Variants in PRAG1 observed in about 807,000 individuals in gnomAD.
PRAG1 encodes the protein PEAK1 related, kinase-activating pseudokinase 1, also known as inactive tyrosine-protein kinase PRAG1.
In PRAG1, 110 loss-of-function variants were observed where a neutral mutation model predicts 95.6. That is an observed-to-expected ratio of 1.15 (90% confidence interval 0.99 to 1.35). The LOEUF (loss-of-function observed/expected upper bound fraction) is 1.35, where lower values mean the gene tolerates loss of function less well. Among genes scored for constraint, PRAG1 ranks in the 40% most tolerant of loss-of-function variants. The probability of loss-of-function intolerance (pLI) is 0.00; values close to 1 mark genes in which losing one functional copy is unlikely to be tolerated. For synonymous variants in PRAG1, 1,052 were observed against 819.4 expected (o/e 1.28, Z -4.85); for missense variants, 2,554 against 1,864.7 (o/e 1.37, Z -6.81).
intron 3 of PRAG1, among the ~76,000 whole-genome samples, chr8:8,347,259 G>A (rs1356201983): frequency 2.0e-5 from 3 of 152,182 alleles, no homozygotes; most frequent in African/African-American, 7.2e-5. Flanking sequence ...CAGCCCTTGG[G>A]TGTGAAGAGC....
rs528263106 is a variant in PRAG1 at position 8,318,265 on chromosome 8, C to T, written c.4110G>A (p.Ala1370=). 2.7e-5 allele frequency: 44 copies of T among 1,614,186 alleles called. No homozygotes were observed. The East Asian group carries it at 5.3e-4, about 20-fold the overall frequency. ...GCTCCACGCCCCGCCTGCGATCCACCGCCTTCTCCGCAAACTTCATCATCA... is the reference window on the plus strand; with the variant it reads ...GCTCCACGCCCCGCCTGCGATCCACTGCCTTCTCCGCAAACTTCATCATCA... ...ALMMMKFAEK[A]VDRRRGVELE... The change falls in exon 6 of 6, where the codon GCG becomes GCA. Residue 1370 remains alanine, a synonymous_variant. Transcript: ENST00000615670. This position sits in a 1 kb window ranked among gnomAD's most constrained non-coding sequence, Gnocchi z 4.2.
At chr8:8,350,490 GAACT>G (rs1799486597) in intron 3 of PRAG1, among the ~76,000 whole-genome samples, 1 of 152,206 alleles carries the variant, frequency 6.6e-6, no homozygotes, top group Admixed American at 6.5e-5. Context: ...GAAAAAGTGG[GAACT>G]AACAAGAGAG....
chr8:8,354,714 G>A (rs1459641424), intron 3 of PRAG1, among the ~76,000 whole-genome samples: 1 of 152,056 alleles, frequency 6.6e-6, no homozygotes, highest in Admixed American at 6.5e-5. Context: ...CATTTGACAA[G>A]GTACAGCATC....
chr8:8,323,782 C>A (rs1342719782), intron 5 of PRAG1, among the ~76,000 whole-genome samples: 2 of 152,180 alleles, frequency 1.3e-5, no homozygotes, highest in Non-Finnish European at 2.9e-5. Context: ...TACCCAGTCT[C>A]AGGTATGTCT....
At chr8:8,359,949 C>T (rs995782498) in intron 3 of PRAG1, among the ~76,000 whole-genome samples, 3 of 152,154 alleles carry the variant, frequency 2.0e-5, no homozygotes, top group Non-Finnish European at 4.4e-5. Context: ...TCCATATTTT[C>T]TAAAATTTTT....
rs576541579 is a variant in PRAG1 at position 8,337,072 on chromosome 8, A to G, written c.2320+2406T>C. Among the ~76,000 whole-genome samples the G allele has an allele frequency of 3.9e-5, 6 of 152,334 alleles. No individual in the cohort carries two copies. In the East Asian group the frequency reaches 1.2e-3, roughly 29 times the overall value. On this transcript the variant is annotated intron_variant, in intron 4 of 5. Coordinates refer to ENST00000615670, the MANE Select transcript of PRAG1 (RefSeq NM_001080826.3). ...CCTATACTGTGGATGGAAAAAGTCAATGAAACGCATAGTTTTCACTAGCAG... is the reference window on the plus strand; with the variant it reads ...CCTATACTGTGGATGGAAAAAGTCAGTGAAACGCATAGTTTTCACTAGCAG...
intron 3 of PRAG1, among the ~76,000 whole-genome samples, chr8:8,356,441 G>A (rs987514196): frequency 6.6e-6 from 1 of 152,188 alleles, no homozygotes; most frequent in Non-Finnish European, 1.5e-5. Flanking sequence ...GACCTCTTGG[G>A]TTCAAGTGAT....
At position 8,374,721 on chromosome 8, in the gene PRAG1, C is replaced by A. The variant is rs1440846905; in HGVS notation, c.2162+1526G>T. 7 of 985,212 alleles carry A rather than the reference C, an allele frequency of 7.1e-6. No homozygotes were observed. In the African/African-American group the frequency reaches 1.2e-4, roughly 17 times the overall value. 61.0% of individuals were successfully genotyped at this position (985,212 alleles called of 1,614,324 possible). A position where few individuals can be genotyped will look rare whatever the true frequency, so the allele number is the denominator to read the frequency against. ...AAAGAGTCTGCAATCACCTCAGGATCTGGAAGATGTCTGTTCTCCATGGTG... is the reference window on the plus strand; with the variant it reads ...AAAGAGTCTGCAATCACCTCAGGATATGGAAGATGTCTGTTCTCCATGGTG... On this transcript the variant is annotated intron_variant, in intron 3 of 5. Coordinates refer to ENST00000615670, the MANE Select transcript of PRAG1 (RefSeq NM_001080826.3).
chr8:8,377,410 C>A lies in PRAG1; in HGVS notation c.999G>T (p.Glu333Asp). ...LGPKKLSLTS[E>D]AAISSDGLSC... ...AGAGGCCGTCGGAAGAAATGGCAGCCTCCGAGGTGAGGGACAGTTTCTTGG... is the reference window on the plus strand; with the variant it reads ...AGAGGCCGTCGGAAGAAATGGCAGCATCCGAGGTGAGGGACAGTTTCTTGG... Residue 333 changes from glutamate (E) to aspartate (D), a missense_variant, in exon 3 of 6, where the codon GAG becomes GAT. Coordinates refer to ENST00000615670, the MANE Select transcript of PRAG1 (RefSeq NM_001080826.3). 6.4e-7 allele frequency: 1 copy of A among 1,573,738 alleles called. No individual in the cohort carries two copies. The highest frequency in any genetic ancestry group is 8.6e-7 in the Non-Finnish European group (1 of 1,161,306).
At chr8:8,365,479 C>T (rs548928973) in intron 3 of PRAG1, among the ~76,000 whole-genome samples, 2 of 151,610 alleles carry the variant, frequency 1.3e-5, no homozygotes, top group African/African-American at 4.8e-5. Context: ...AAAAAATTAG[C>T]CCGGCATGGT....
intron 4 of PRAG1, among the ~76,000 whole-genome samples, chr8:8,331,922 T>A (rs2980497): frequency 6.6e-6 from 1 of 152,022 alleles, no homozygotes; most frequent in African/African-American, 2.4e-5. Flanking sequence ...AATTAGCACA[T>A]GCACTGATTA....
rs750896313 is a variant in PRAG1 at position 8,318,469 on chromosome 8, C to T, written c.3906G>A (p.Gln1302=). 8.7e-6 allele frequency: 14 copies of T among 1,612,142 alleles called. No homozygotes were observed. The highest frequency in any genetic ancestry group is 1.3e-5 in the African/African-American group (1 of 74,930). Reference sequence around the variant, plus strand: ...CGGCCTCCAGTAGCAGATGTGCCAGCTGCTGCAGGCCGGGTGAGTAGAGGG... The same window carrying T: ...CGGCCTCCAGTAGCAGATGTGCCAGTTGCTGCAGGCCGGGTGAGTAGAGGG... ...ALSLYSPGLQ[Q]LAHLLLEADP... The change falls in exon 6 of 6, where the codon CAG becomes CAA. Residue 1302 remains glutamine (Q), a synonymous_variant. Transcript: ENST00000615670. This position sits in a 1 kb window ranked among gnomAD's most constrained non-coding sequence, Gnocchi z 4.2.
rs544890770 is a variant in PRAG1, at chr8:8,339,780, G to T, written c.2163-145C>A. On this transcript the variant is annotated intron_variant, in intron 3 of 5. Coordinates refer to ENST00000615670, the MANE Select transcript of PRAG1 (RefSeq NM_001080826.3). ...AAAGAAAAAAAAAAGATTTTGGGGA[G>T]ACAGTAGAGGTTCTCTTCTGAGTTC... is the stretch of plus-strand genomic sequence containing the variant. 180 of 723,026 alleles carry T rather than the reference G, an allele frequency of 2.5e-4. 1 individual carries two copies. In the African/African-American group the frequency reaches 3.1e-3, roughly 12 times the overall value. The allele number at this position is 723,026 out of a possible 1,614,324, so 44.8% of individuals were successfully genotyped here.
At chr8:8,371,255 G>A (rs1054470612) in intron 3 of PRAG1, among the ~76,000 whole-genome samples, 1 of 151,666 alleles carries the variant, frequency 6.6e-6, no homozygotes, top group African/African-American at 2.4e-5. Flanking sequence ...AAATTCAATT[G>A]AGCGAAAACT....
At chr8:8,362,224 T>A (rs1300398283) in intron 3 of PRAG1, among the ~76,000 whole-genome samples, 1 of 152,192 alleles carries the variant, frequency 6.6e-6, no homozygotes, top group African/African-American at 2.4e-5. Flanking sequence ...CCCTAAGCTG[T>A]ATGAGGTGGC....
intron 3 of PRAG1, among the ~76,000 whole-genome samples, chr8:8,371,463 G>A (rs1255079154): frequency 6.6e-6 from 1 of 151,930 alleles, no homozygotes; most frequent in African/African-American, 2.4e-5. Flanking sequence ...GTTTCACCGT[G>A]TTAGCCAGGA....
Position 8,317,892 on chromosome 8 carries a change from T to C in PRAG1, c.*262A>G. The C allele has an allele frequency of 3.6e-6, 1 of 275,174 alleles. No individual in the cohort carries two copies. The highest frequency in any genetic ancestry group is 6.6e-6 in the Non-Finnish European group (1 of 152,278). 17.0% of individuals were successfully genotyped at this position (275,174 alleles called of 1,614,324 possible). On this transcript the variant is annotated 3_prime_UTR_variant, in exon 6 of 6. Coordinates refer to ENST00000615670, the MANE Select transcript of PRAG1 (RefSeq NM_001080826.3). ...ACAGAACTGTCCTCAGGACGTTGCATGGAACTGGAAATGTGTATAATTACA... is the reference window on the plus strand; with the variant it reads ...ACAGAACTGTCCTCAGGACGTTGCACGGAACTGGAAATGTGTATAATTACA...
rs1382602730 is a variant in PRAG1, at chr8:8,377,766, C to G, written c.643G>C (p.Ala215Pro). Residue 215 changes from alanine (A) to proline (P), a missense_variant, in exon 3 of 6, where the codon GCT becomes CCT. By Grantham distance (27) the Ala-to-Pro change is conservative (BLOSUM62 -1). Coordinates refer to ENST00000615670, the MANE Select transcript of PRAG1 (RefSeq NM_001080826.3). ...TGGTGACAGCCAGATGTGGTCCCAGCAAAGGCAGCCAGTTTCTGGCGGAAG... is the reference window on the plus strand; with the variant it reads ...TGGTGACAGCCAGATGTGGTCCCAGGAAAGGCAGCCAGTTTCTGGCGGAAG... ...ESFRQKLAAF[A>P]GTTSGCHQGP... The G allele has an allele frequency of 6.2e-7, 1 of 1,614,150 alleles. No homozygotes were observed. Among genetic ancestry groups the G allele is most frequent in the Admixed American group, 1.7e-5 (1 of 60,034 alleles).
At position 8,377,606 on chromosome 8, in the gene PRAG1, G is replaced by C. The variant is rs1800463912; in HGVS notation, c.803C>G (p.Ala268Gly). The C allele has an allele frequency of 6.2e-7, 1 of 1,613,030 alleles. No individual in the cohort carries two copies. Among genetic ancestry groups the C allele is most frequent in the Non-Finnish European group, 8.5e-7 (1 of 1,179,902 alleles). The part of the protein sequence containing the change: ...DCCPGSPVAK[A>G]ASQTAGSRGR... ...CCGGGAACCTGCAGTCTGGGAGGCA[G>C]CCTTGGCAACAGGGCTCCCAGGGCA... is the stretch of plus-strand genomic sequence containing the variant. The change falls in exon 3 of 6, where the codon GCT (alanine) becomes GGT (glycine). Residue 268 changes from alanine (A) to glycine (G), a missense_variant. Coordinates refer to ENST00000615670, the MANE Select transcript of PRAG1 (RefSeq NM_001080826.3).
Sources: allele counts gnomAD v4.1 joint callset (sites outside exome capture counted in the v4.1 genomes callset), GRCh38; gene constraint gnomAD v4.1.1; non-coding constraint Gnocchi (gnomAD v3.1); transcripts MANE v1.5; gene names NCBI Gene and HGNC (gene_info 2026-07-23, HGNC 2026-07-21).